Variants in RASGEF1B observed in about 807,000 individuals in gnomAD.
RASGEF1B encodes the protein RasGEF domain family member 1B.
A neutral mutation model predicts 65.7 loss-of-function variants in RASGEF1B; 30 were observed. That is an observed-to-expected ratio of 0.46 (90% CI 0.34 to 0.62). The LOEUF is 0.62. Among genes scored for constraint, RASGEF1B ranks in the 20% least tolerant of loss-of-function variants. The pLI, the probability that RASGEF1B is intolerant of heterozygous loss-of-function variation, is 0.01. For missense variants in RASGEF1B, 495 were observed against 580.1 expected, an observed-to-expected ratio of 0.85 and a Z score of 1.51; for synonymous variants, 175 against 194.8, an observed-to-expected ratio of 0.90 and a Z score of 0.85.
At chr4:81,445,913 G>A (rs1287004706) in intron 6 of RASGEF1B, 75 bp from the exon 7 acceptor site, 6 of 1,069,648 alleles carry the variant, frequency 5.6e-6, no homozygotes, top group Middle Eastern at 2.1e-4. Context: ...TGTGAAATAC[G>A]AGCCTTTAGT....
intron 9 of RASGEF1B, among the ~76,000 whole-genome samples, chr4:81,441,954 C>A (rs1578619905): frequency 6.6e-6 from 1 of 152,142 alleles, no homozygotes; most frequent in East Asian, 1.9e-4. Flanking sequence ...AACCCTTCCC[C>A]TGAGACACTG....
chr4:81,457,460 TA>T, intron 3 of RASGEF1B, 38 bp downstream of exon 3: 3 of 1,606,298 alleles, frequency 1.9e-6, no homozygotes, highest in Non-Finnish European at 2.6e-6. Context: ...AGCCATAAAG[TA>T]AGCATTCCTA....
intron 1 of RASGEF1B, among the ~76,000 whole-genome samples, chr4:81,466,961 A>AAAAAAAG: frequency 6.6e-6 from 1 of 151,228 alleles, no homozygotes; most frequent in Admixed American, 6.6e-5. Flanking sequence ...AAAAAGAAAA[A>AAAAAAAG]AAAGGTATTG....
intron 10 of RASGEF1B, among the ~76,000 whole-genome samples, chr4:81,436,337 A>G (rs1158885784): frequency 3.9e-5 from 6 of 152,186 alleles, no homozygotes; most frequent in Non-Finnish European, 5.9e-5. Context: ...ACCTTGCATA[A>G]TATGTTTTGA....
At chr4:81,469,056 C>T (rs1722939748) in intron 1 of RASGEF1B, among the ~76,000 whole-genome samples, 1 of 152,064 alleles carries the variant, frequency 6.6e-6, no homozygotes, top group South Asian at 2.1e-4. Flanking sequence ...GTAGTTTTAA[C>T]TGGAGAATCA....
At chr4:81,436,927 G>A (rs1721649494) in intron 10 of RASGEF1B, among the ~76,000 whole-genome samples, 1 of 152,106 alleles carries the variant, frequency 6.6e-6, no homozygotes, top group African/African-American at 2.4e-5. Context: ...TTAATCATTT[G>A]TTATTATCTC....
intron 9 of RASGEF1B, among the ~76,000 whole-genome samples, chr4:81,441,715 G>A (rs984861834): frequency 2.0e-5 from 3 of 151,616 alleles, no homozygotes; most frequent in African/African-American, 7.3e-5. Flanking sequence ...CTAATTTTTT[G>A]TATTTTTTAT....
At chr4:81,435,642 T>G (rs1721599373) in intron 10 of RASGEF1B, among the ~76,000 whole-genome samples, 1 of 147,790 alleles carries the variant, frequency 6.8e-6, no homozygotes, top group African/African-American at 2.5e-5. Context: ...CTAATTTTTT[T>G]TTTTTGTATT....
chr4:81,466,818 G>GA (rs1189301021), intron 1 of RASGEF1B, among the ~76,000 whole-genome samples: 1 of 141,286 alleles, frequency 7.1e-6, no homozygotes, highest in Non-Finnish European at 1.5e-5. Flanking sequence ...AAGAAAGAAA[G>GA]AAAGAAAATT....
intron 8 of RASGEF1B, among the ~76,000 whole-genome samples, chr4:81,444,777 C>T (rs1470350752): frequency 6.6e-6 from 1 of 152,152 alleles, no homozygotes; most frequent in Non-Finnish European, 1.5e-5. Flanking sequence ...CTTTGTGATC[C>T]ACCCGCCTTG....
intron 13 of RASGEF1B, among the ~76,000 whole-genome samples, chr4:81,429,863 G>A (rs772690583): frequency 1.3e-5 from 2 of 152,034 alleles, no homozygotes; most frequent in Non-Finnish European, 2.9e-5. Flanking sequence ...TGGGCACACC[G>A]ACATACGCCA....
At chr4:81,437,669 G>GT (rs1560695852) in intron 10 of RASGEF1B, among the ~76,000 whole-genome samples, 2 of 152,202 alleles carry the variant, frequency 1.3e-5, no homozygotes, top group Non-Finnish European at 1.5e-5. Context: ...GCATTCAGGG[G>GT]TGCCTGCAAG....
chr4:81,453,943 AAAC>A (rs1479753336), intron 4 of RASGEF1B: 1 of 152,266 alleles, frequency 6.6e-6, no homozygotes, highest in African/African-American at 2.4e-5. Context: ...GCAGCTAAAG[AAAC>A]AACATCTCCC....
intron 2 of RASGEF1B, among the ~76,000 whole-genome samples, chr4:81,458,754 T>C (rs1220972890): frequency 6.6e-6 from 1 of 152,174 alleles, no homozygotes; most frequent in African/African-American, 2.4e-5. Context: ...CGTTTTCTCC[T>C]CTCTTCCCTC....
chr4:81,460,161 A>T (rs943876252), intron 1 of RASGEF1B, among the ~76,000 whole-genome samples: 6 of 152,172 alleles, frequency 3.9e-5, no homozygotes, highest in African/African-American at 1.4e-4. Context: ...TGGTATCTGT[A>T]AAGCCTCAGT....
intron 4 of RASGEF1B, chr4:81,455,351 T>C (rs1368631683): frequency 1.3e-5 from 2 of 152,110 alleles, no homozygotes; most frequent in African/African-American, 4.8e-5. Flanking sequence ...GGTGGGAGGA[T>C]TGATTAAGCC....
chr4:81,463,481 G>A (rs1382724997), intron 1 of RASGEF1B, among the ~76,000 whole-genome samples: 3 of 152,176 alleles, frequency 2.0e-5, no homozygotes, highest in Non-Finnish European at 2.9e-5. Context: ...TTGCTTGTGT[G>A]TACTTTATAG....
In RASGEF1B at chr4:81,435,359, C is replaced by T. The variant is rs867287575; in HGVS notation, c.1105-625G>A. Among the ~76,000 whole-genome samples, 773 of 141,422 alleles carry T rather than the reference C, an allele frequency of 5.5e-3. 7 individuals are homozygous for T. The highest frequency in any genetic ancestry group is 0.018 in the African/African-American group (692 of 38,190). The allele number at this position is 141,422 out of a possible 152,430, so 92.8% of individuals were successfully genotyped here. A position where few individuals can be genotyped will look rare whatever the true frequency, so the allele number is the denominator to read the frequency against. ...CCGGGAAGCGGAGCTTGCAGTGAGC[C>T]GAGATTGCGCCACTGCAGTCCGCAG... On this transcript the variant is annotated intron_variant, in intron 10 of 13. Coordinates refer to ENST00000264400, the MANE Select transcript of RASGEF1B (RefSeq NM_152545.3).
intron 1 of RASGEF1B, among the ~76,000 whole-genome samples, chr4:81,468,268 T>C (rs1241555570): frequency 6.6e-6 from 1 of 152,208 alleles, no homozygotes; most frequent in Non-Finnish European, 1.5e-5. Flanking sequence ...TTTCTATTTA[T>C]ATTTTAGTAT....
Sources: allele counts gnomAD v4.1 joint callset (sites outside exome capture counted in the v4.1 genomes callset), GRCh38; gene constraint gnomAD v4.1.1; transcripts MANE v1.5; gene names NCBI Gene and HGNC (gene_info 2026-07-23, HGNC 2026-07-21).